Variants in RGPD2 observed in about 807,000 individuals in gnomAD.
RGPD2 encodes RANBP2 like and GRIP domain containing 2, also known as RANBP2-like and GRIP domain-containing protein 2.
In RGPD2, 2 loss-of-function variants were observed where a neutral mutation model predicts 36.0. The ratio of observed to expected loss-of-function variants is 0.06; its 90% CI spans 0.02 to 0.17. The LOEUF is 0.17. Among genes scored for constraint, RGPD2 ranks in the 10% least tolerant of loss-of-function variants. RGPD2 has a pLI of 1.00. For missense variants in RGPD2, 40 were observed against 464.3 expected, an observed-to-expected ratio of 0.09 and a Z score of 8.40; for synonymous variants, 19 against 163.8, an observed-to-expected ratio of 0.12 and a Z score of 6.75.
At chr2:87,869,984 C>T in the RGPD2 span, among the ~76,000 whole-genome samples, 1 of 152,170 alleles carries the variant, frequency 6.6e-6, no homozygotes, top group Non-Finnish European at 1.5e-5. Flanking sequence ...CTTACTTATC[C>T]AAAGATTACA....
the RGPD2 span, among the ~76,000 whole-genome samples, chr2:87,921,027 G>A: frequency 6.7e-6 from 1 of 149,696 alleles, no homozygotes; most frequent in Non-Finnish European, 1.5e-5. Flanking sequence ...TCAAACCCAC[G>A]GGCATCTTGA....
chr2:87,905,225 C>T, the RGPD2 span, among the ~76,000 whole-genome samples: 3 of 152,350 alleles, frequency 2.0e-5, no homozygotes, highest in Middle Eastern at 3.4e-3. Context: ...TTTCAGTGTG[C>T]GCTGTCACAG....
the RGPD2 span, among the ~76,000 whole-genome samples, chr2:87,883,056 A>G: frequency 6.6e-6 from 1 of 152,192 alleles, no homozygotes; most frequent in Non-Finnish European, 1.5e-5. Context: ...ATGGTGGTGG[A>G]TAAATTAATT....
At chr2:87,924,551 A>G in the RGPD2 span, among the ~76,000 whole-genome samples, 1 of 152,256 alleles carries the variant, frequency 6.6e-6, no homozygotes, top group Non-Finnish European at 1.5e-5. Context: ...TTTGACATTC[A>G]TTTTTAAGTT....
At chr2:87,893,735 G>A in the RGPD2 span, among the ~76,000 whole-genome samples, 1 of 94,786 alleles carries the variant, frequency 1.1e-5, no homozygotes, top group Non-Finnish European at 2.1e-5. Flanking sequence ...ATATTTAAGT[G>A]TTTAAATCAG....
chr2:87,846,647 T>C, the RGPD2 span, among the ~76,000 whole-genome samples: 1 of 152,106 alleles, frequency 6.6e-6, no homozygotes. Flanking sequence ...ACCAGATATA[T>C]ACCAAAAGCC....
the RGPD2 span, among the ~76,000 whole-genome samples, chr2:87,875,438 C>T: frequency 2.6e-5 from 4 of 152,378 alleles, no homozygotes; most frequent in Admixed American, 2.6e-4. Context: ...TATCAAAAGC[C>T]TTTTCTGCAT....
the RGPD2 span, among the ~76,000 whole-genome samples, chr2:87,879,289 G>T: frequency 6.6e-6 from 1 of 151,544 alleles, no homozygotes; most frequent in African/African-American, 2.4e-5. Flanking sequence ...TATCCTTTGT[G>T]TTAAAAACAC....
the RGPD2 span, among the ~76,000 whole-genome samples, chr2:87,921,345 C>G: frequency 6.6e-6 from 1 of 152,058 alleles, no homozygotes; most frequent in Admixed American, 6.6e-5. Flanking sequence ...CATTATGATT[C>G]AATAGATGAA....
the RGPD2 span, among the ~76,000 whole-genome samples, chr2:87,976,255 T>C: frequency 6.6e-6 from 1 of 151,916 alleles, no homozygotes; most frequent in African/African-American, 2.4e-5. Context: ...TGTACTCCAA[T>C]CTGAGAAAAG....
the RGPD2 span, among the ~76,000 whole-genome samples, chr2:87,846,467 C>T: frequency 6.6e-6 from 1 of 151,750 alleles, no homozygotes; most frequent in South Asian, 2.1e-4. Context: ...TGATGTGAAC[C>T]CCAAATACAT....
chr2:87,971,656 T>C, the RGPD2 span, among the ~76,000 whole-genome samples: 1 of 150,442 alleles, frequency 6.6e-6, no homozygotes, highest in Admixed American at 6.7e-5. Flanking sequence ...TGTTTACTTT[T>C]AATGTTTACT....
the RGPD2 span, among the ~76,000 whole-genome samples, chr2:87,988,541 A>ATATATT: frequency 0.052 from 2,815 of 54,194 alleles, 181 homozygotes; most frequent in Middle Eastern, 0.11. Flanking sequence ...ATATATATAT[A>ATATATT]TTTTTTTTTT....
the RGPD2 span, among the ~76,000 whole-genome samples, chr2:87,930,582 A>G: frequency 6.6e-6 from 1 of 151,796 alleles, no homozygotes; most frequent in African/African-American, 2.4e-5. Flanking sequence ...CTGGTCTCAT[A>G]CAATGAGTTA....
chr2:87,881,018 T>A, the RGPD2 span, among the ~76,000 whole-genome samples: 1 of 147,588 alleles, frequency 6.8e-6, no homozygotes, highest in African/African-American at 2.5e-5. Flanking sequence ...GGGCCGTAAT[T>A]AAATCTTAAA....
At chr2:87,966,652 G>A in the RGPD2 span, among the ~76,000 whole-genome samples, 1 of 152,234 alleles carries the variant, frequency 6.6e-6, no homozygotes, top group Non-Finnish European at 1.5e-5. Flanking sequence ...AACTGGCCAA[G>A]CACAGTGGCT....
At chr2:87,910,564 T>C in the RGPD2 span, among the ~76,000 whole-genome samples, 1 of 152,262 alleles carries the variant, frequency 6.6e-6, no homozygotes, top group African/African-American at 2.4e-5. Context: ...TGAGTTCTTT[T>C]ATTCATTCAA....
the RGPD2 span, among the ~76,000 whole-genome samples, chr2:87,837,032 A>C: frequency 6.6e-6 from 1 of 152,142 alleles, no homozygotes; most frequent in African/African-American, 2.4e-5. Flanking sequence ...ATATGTGACT[A>C]TTCTATCTAT....
chr2:87,914,304 T>C, the RGPD2 span, among the ~76,000 whole-genome samples: 1 of 91,424 alleles, frequency 1.1e-5, no homozygotes, highest in Non-Finnish European at 2.2e-5. Flanking sequence ...TTAATAATGA[T>C]GTGGTTGAAG....
Sources: allele counts gnomAD v4.1 joint callset (sites outside exome capture counted in the v4.1 genomes callset), GRCh38; gene constraint gnomAD v4.1.1; transcripts MANE v1.5; gene names NCBI Gene and HGNC (gene_info 2026-07-23, HGNC 2026-07-21).